Variants in MAGI2 observed in about 807,000 individuals in gnomAD.
MAGI2 encodes the protein membrane-associated guanylate kinase, WW and PDZ domain-containing protein 2.
A neutral mutation model predicts 133.3 loss-of-function variants in MAGI2; 35 were observed. The ratio of observed to expected loss-of-function variants is 0.26; its 90% CI spans 0.20 to 0.35. The LOEUF (loss-of-function observed/expected upper bound fraction) is 0.35, where lower values mean the gene tolerates loss of function less well. Ranked by LOEUF, MAGI2 falls within the 10% of genes least tolerant of loss-of-function variation. MAGI2 has a pLI of 1.00. For synonymous variants in MAGI2, 729 were observed against 710.6 expected (o/e 1.03, Z -0.41); for missense variants, 1,636 against 1,863.4 (o/e 0.88, Z 2.25).
intron 2 of MAGI2, among the ~76,000 whole-genome samples, chr7:78,780,013 G>T (rs1016257353): frequency 6.6e-6 from 1 of 152,206 alleles, no homozygotes; most frequent in Non-Finnish European, 1.5e-5. Flanking sequence ...TAGAAAGAAA[G>T]ATATTAAGAA....
intron 2 of MAGI2, among the ~76,000 whole-genome samples, chr7:78,981,614 G>A (rs1339803736): frequency 6.6e-6 from 1 of 151,206 alleles, no homozygotes; most frequent in African/African-American, 2.4e-5. Flanking sequence ...GCCATTTGTT[G>A]CATCCGACTT....
At chr7:78,795,220 AT>A (rs1428402066) in intron 2 of MAGI2, among the ~76,000 whole-genome samples, 2 of 151,864 alleles carry the variant, frequency 1.3e-5, no homozygotes, top group Non-Finnish European at 2.9e-5. Context: ...TGATTATTTG[AT>A]TATTATAATG....
chr7:78,940,833 G>A (rs17151725), intron 2 of MAGI2: 53,453 of 152,022 alleles, frequency 0.35, 11,488 homozygotes, highest in East Asian at 0.49. Context: ...CAAGTTAACC[G>A]GAAATCAGCC....
At chr7:78,499,980 A>T (rs1794474128) in intron 5 of MAGI2, among the ~76,000 whole-genome samples, 1 of 152,258 alleles carries the variant, frequency 6.6e-6, no homozygotes, top group Non-Finnish European at 1.5e-5. Flanking sequence ...TAATTGATAA[A>T]AGATGCCTTG....
At chr7:79,138,971 T>G (rs2129546023) in intron 1 of MAGI2, among the ~76,000 whole-genome samples, 1 of 121,144 alleles carries the variant, frequency 8.3e-6, no homozygotes, top group African/African-American at 3.1e-5. Context: ...GACAGACTCT[T>G]GTCTCAAAAA....
chr7:78,683,603 G>C (rs894563712), intron 2 of MAGI2, among the ~76,000 whole-genome samples: 2 of 152,138 alleles, frequency 1.3e-5, no homozygotes, highest in Non-Finnish European at 2.9e-5. Context: ...TCTACATCCT[G>C]AAATCTTCAA....
chr7:78,626,125 C>G (rs190067394), intron 3 of MAGI2, among the ~76,000 whole-genome samples: 1 of 152,238 alleles, frequency 6.6e-6, no homozygotes, highest in Admixed American at 6.5e-5. Context: ...AAGTATATAT[C>G]ATGAATTTTG....
At chr7:78,367,946 T>C (rs895511444) in intron 7 of MAGI2, among the ~76,000 whole-genome samples, 1 of 152,218 alleles carries the variant, frequency 6.6e-6, no homozygotes, top group African/African-American at 2.4e-5. Context: ...GATACCTCTA[T>C]GTATTTATCT....
At chr7:78,421,813 A>C (rs1029222562) in intron 6 of MAGI2, among the ~76,000 whole-genome samples, 1 of 152,158 alleles carries the variant, frequency 6.6e-6, no homozygotes, top group Non-Finnish European at 1.5e-5. Flanking sequence ...TCAAAACAAC[A>C]AAAACATAAA....
intron 1 of MAGI2, among the ~76,000 whole-genome samples, chr7:79,346,011 T>C (rs747222569): frequency 6.6e-6 from 1 of 152,104 alleles, no homozygotes; most frequent in African/African-American, 2.4e-5. Context: ...TTCTACATTT[T>C]TCTCTTCTTA....
chr7:79,003,460 A>G (rs1807100573), intron 2 of MAGI2, among the ~76,000 whole-genome samples: 1 of 152,238 alleles, frequency 6.6e-6, no homozygotes, highest in Non-Finnish European at 1.5e-5. Flanking sequence ...TAGATTAAAC[A>G]AGGAGTGAAT....
At chr7:78,292,311 C>A (rs1254635299) in intron 9 of MAGI2, among the ~76,000 whole-genome samples, 1 of 152,142 alleles carries the variant, frequency 6.6e-6, no homozygotes, top group Non-Finnish European at 1.5e-5. Context: ...AGAGTCAAAT[C>A]ATGAGTGAAC....
At chr7:78,294,873 AACTG>A (rs1175396012) in intron 9 of MAGI2, among the ~76,000 whole-genome samples, 1 of 152,192 alleles carries the variant, frequency 6.6e-6, no homozygotes, top group Non-Finnish European at 1.5e-5. Context: ...TAGTTACTGA[AACTG>A]ACTGGATATT....
intron 2 of MAGI2, among the ~76,000 whole-genome samples, chr7:78,891,847 T>A (rs1458463370): frequency 1.3e-5 from 2 of 152,106 alleles, no homozygotes; most frequent in Non-Finnish European, 2.9e-5. Context: ...CTCACCACTC[T>A]TATTCAACAT....
intron 16 of MAGI2, among the ~76,000 whole-genome samples, chr7:78,141,961 G>A (rs1433841072): frequency 6.6e-6 from 1 of 152,172 alleles, no homozygotes. Context: ...TTAAAAATTT[G>A]CATAGCTAAG....
chr7:79,256,341 T>C (rs1833678869), intron 1 of MAGI2, among the ~76,000 whole-genome samples: 1 of 152,180 alleles, frequency 6.6e-6, no homozygotes, highest in Non-Finnish European at 1.5e-5. Context: ...GGCTGTTCCT[T>C]ATCATGAACA....
chr7:78,806,566 T>C (rs972516005), intron 2 of MAGI2, among the ~76,000 whole-genome samples: 13 of 152,090 alleles, frequency 8.5e-5, no homozygotes, highest in Non-Finnish European at 1.5e-4. Flanking sequence ...ACAATTTTAC[T>C]TCATAAAATT....
chr7:78,844,094 T>C (rs1792381231), intron 2 of MAGI2, among the ~76,000 whole-genome samples: 2 of 150,898 alleles, frequency 1.3e-5, no homozygotes, highest in African/African-American at 2.4e-5. Context: ...AATTTTTTTT[T>C]CTGCATTTAC....
intron 20 of MAGI2, among the ~76,000 whole-genome samples, chr7:78,099,599 A>G (rs2151240626): frequency 6.6e-6 from 1 of 152,064 alleles, no homozygotes; most frequent in East Asian, 1.9e-4. Context: ...ATCATGATCT[A>G]TATAAAATTG....
Sources: gnomAD v4.1 joint callset for allele counts (sites outside exome capture counted in the v4.1 genomes callset) on GRCh38, gnomAD v4.1.1 for gene constraint, MANE v1.5 for transcripts, NCBI Gene and HGNC (gene_info 2026-07-23, HGNC 2026-07-21) for gene names.